Variants in ERCC6 observed in about 807,000 individuals in gnomAD.
ERCC6 encodes the protein DNA excision repair protein ERCC-6.
In ERCC6, 116 loss-of-function variants were observed where a neutral mutation model predicts 158.7. The observed-to-expected ratio is 0.73, with a 90% CI of 0.63 to 0.85. The LOEUF (loss-of-function observed/expected upper bound fraction) is 0.85. Ranked by LOEUF, ERCC6 falls within the 40% of genes least tolerant of loss-of-function variation. The pLI, the probability that ERCC6 is intolerant of heterozygous loss-of-function variation, is 0.00. For missense variants in ERCC6, 1,698 were observed against 1,799.4 expected (o/e 0.94, Z 1.02); for synonymous variants, 678 against 659.3 (o/e 1.03, Z -0.43).
Position 49,532,733 on chromosome 10 carries a change from G to A in ERCC6, c.232C>T (p.His78Tyr), listed in dbSNP as rs1173723641. The stretch of plus-strand genomic sequence containing the variant: ...CTAGGCTCTACTGCCTGGATCTGAT[G>A]TCGGTCGATGTGCAGCAGGGCTGGC... Reference protein sequence around the residue: ...RGPALLHIDRHQIQAVEPSAQ... With the variant: ...RGPALLHIDRYQIQAVEPSAQ... The change falls in exon 2 of 21, where the codon CAT becomes TAT. Residue 78 changes from histidine to tyrosine, a missense_variant. Coordinates refer to ENST00000355832, the MANE Select transcript of ERCC6 (RefSeq NM_000124.4). The A allele has an allele frequency of 1.9e-6, 3 of 1,614,258 alleles. No homozygotes were observed. Among genetic ancestry groups the A allele is most frequent in the Non-Finnish European group, 2.5e-6 (3 of 1,180,052 alleles).
At chr10:49,539,242 C>G (rs191665343), upstream of ERCC6, among the ~76,000 whole-genome samples, 11 of 152,260 alleles carry the variant, frequency 7.2e-5, no homozygotes, top group Admixed American at 5.2e-4. Flanking sequence ...TCTCCGCTGC[C>G]GGTCAGCTGG....
intron 1 of ERCC6, among the ~76,000 whole-genome samples, chr10:49,534,623 T>A (rs996901687): frequency 1.3e-5 from 2 of 152,166 alleles, no homozygotes; most frequent in African/African-American, 4.8e-5. Context: ...TAAGGGGGAA[T>A]GTTCACATTG....
At chr10:49,537,237 G>A (rs142064684) in intron 1 of ERCC6, among the ~76,000 whole-genome samples, 1,796 of 151,600 alleles carry the variant, frequency 0.012, 42 homozygotes, top group African/African-American at 0.041. Flanking sequence ...CCAGCTACTC[G>A]AGAGGCTGGG....
At chr10:49,495,968 C>A (rs554994546) in intron 7 of ERCC6, among the ~76,000 whole-genome samples, 1 of 152,308 alleles carries the variant, frequency 6.6e-6, no homozygotes, top group Non-Finnish European at 1.5e-5. Context: ...GATTAAACAC[C>A]TGGACGTGGC....
At chr10:49,491,738 C>T (rs575705047) in intron 8 of ERCC6, among the ~76,000 whole-genome samples, 1 of 152,128 alleles carries the variant, frequency 6.6e-6, no homozygotes, top group Non-Finnish European at 1.5e-5. Flanking sequence ...CACTTTACTA[C>T]CCCAAAAGAA....
At chr10:49,471,443 G>A (rs1850779442) in intron 16 of ERCC6, among the ~76,000 whole-genome samples, 1 of 151,962 alleles carries the variant, frequency 6.6e-6, no homozygotes, top group East Asian at 1.9e-4. Flanking sequence ...TAGCCTCCTT[G>A]ACTTGAATAC....
intron 12 of ERCC6, 49 bp downstream of exon 12, chr10:49,476,166 C>T: frequency 7.5e-7 from 1 of 1,326,632 alleles, no homozygotes; most frequent in Admixed American, 1.7e-5. Context: ...TCCTCCCTCA[C>T]TTCTCTTGGT....
At chr10:49,535,634 C>A (rs981956385) in intron 1 of ERCC6, among the ~76,000 whole-genome samples, 24 of 151,950 alleles carry the variant, frequency 1.6e-4, no homozygotes, top group Admixed American at 1.4e-3. Context: ...GCCAATTCAA[C>A]CAAAAATATT....
intron 6 of ERCC6, chr10:49,501,435 T>C (rs533904647): frequency 6.6e-6 from 1 of 152,304 alleles, no homozygotes; most frequent in South Asian, 2.1e-4. Context: ...ATAAGGAATA[T>C]GGGTCAAAGA....
intron 8 of ERCC6, among the ~76,000 whole-genome samples, chr10:49,489,822 A>G (rs1025309165): frequency 6.6e-6 from 1 of 152,256 alleles, no homozygotes; most frequent in African/African-American, 2.4e-5. Flanking sequence ...TGGGATAGGT[A>G]TCACAAGACT....
At chr10:49,462,211 A>T (rs4838519) in intron 18 of ERCC6, among the ~76,000 whole-genome samples, 3 of 152,044 alleles carry the variant, frequency 2.0e-5, no homozygotes, top group East Asian at 1.9e-4. Flanking sequence ...ATAGAAATAG[A>T]TTGAACTGCA....
At position 49,493,101 on chromosome 10, in the gene ERCC6, T is replaced by C; in HGVS notation, c.1821+16A>G. The C allele has an allele frequency of 6.2e-7, 1 of 1,613,528 alleles. No individual in the cohort carries two copies. The highest frequency in any genetic ancestry group is 8.5e-7 in the Non-Finnish European group (1 of 1,179,650). ...GCATTAAAACAAAACAAAAAGGTAC[T>C]GAAATATTGTGTTACCTTTTTGTGG... On this transcript the variant is annotated intron_variant, in intron 8 of 20. Coordinates refer to ENST00000355832, the MANE Select transcript of ERCC6 (RefSeq NM_000124.4).
chr10:49,528,328 C>T, intron 4 of ERCC6, 89 bp downstream of exon 4: 1 of 1,505,352 alleles, frequency 6.6e-7, no homozygotes, highest in Non-Finnish European at 9.2e-7. Context: ...TCTCAAAACC[C>T]AGGCAAAGAC....
chr10:49,524,529 G>C lies in ERCC6; in HGVS notation c.901C>G (p.Pro301Ala). The C allele has an allele frequency of 6.2e-7, 1 of 1,614,160 alleles. No homozygotes were observed. Among genetic ancestry groups the C allele is most frequent in the Non-Finnish European group, 8.5e-7 (1 of 1,180,012 alleles). ...TGCACTGGGGCTGGAGGCGTGACTG[G>C]GGCTGGAGCTTTTCTAGCTGCTCTT... ...NKRAARKAPA[P>A]VTPPAPVQNK... Residue 301 changes from proline (P) to alanine (A), a missense_variant, in exon 5 of 21, where the codon CCA becomes GCA. Pro to Ala is a conservative substitution (Grantham distance 27). Transcript: ENST00000355832.
intron 5 of ERCC6, chr10:49,516,975 C>T (rs1554792119): frequency 6.2e-7 from 1 of 1,614,064 alleles, no homozygotes; most frequent in South Asian, 1.1e-5. Flanking sequence ...TATTGTTCCA[C>T]CTTCTTCATC....
chr10:49,525,050 G>T (rs941047486), intron 4 of ERCC6: 2 of 630,228 alleles, frequency 3.2e-6, no homozygotes, highest in Non-Finnish European at 5.0e-6. Flanking sequence ...CCAAAGATAG[G>T]CTTATTACTG....
At chr10:49,446,217 C>T in the ERCC6 span, among the ~76,000 whole-genome samples, 2 of 143,146 alleles carry the variant, frequency 1.4e-5, no homozygotes, top group South Asian at 4.8e-4. Context: ...CATCTTTACA[C>T]ACAAAAACGT....
rs1850526706 is a variant in ERCC6, at chr10:49,458,908, A to G, written c.4389T>C (p.Ser1463=). 5 of 1,614,206 alleles carry G rather than the reference A, an allele frequency of 3.1e-6. No homozygotes were observed. The highest frequency in any genetic ancestry group is 1.7e-5 in the Admixed American group (1 of 60,028). ...TTCTCAATAGTTCTCGGAAGACACA[A>G]GACTGTGATGCAGATAACTTGGATT... ...EFESKLSASQ[S]CVFRELLRNL... is the part of the protein sequence containing the mutation. Residue 1463 remains serine, a synonymous_variant, in exon 21 of 21, where the codon TCT becomes TCC. Transcript: ENST00000355832.
intron 5 of ERCC6, among the ~76,000 whole-genome samples, chr10:49,508,734 G>A (rs906766185): frequency 5.9e-5 from 9 of 152,130 alleles, no homozygotes; most frequent in Non-Finnish European, 1.5e-5. Flanking sequence ...ACTTCCTCAT[G>A]TGACTTGTAG....
Sources: gnomAD v4.1 joint callset for allele counts (sites outside exome capture counted in the v4.1 genomes callset) on GRCh38, gnomAD v4.1.1 for gene constraint, MANE v1.5 for transcripts, NCBI Gene and HGNC (gene_info 2026-07-23, HGNC 2026-07-21) for gene names.